SLC38A6: variants seen among roughly 807,000 people sequenced by gnomAD.
SLC38A6 encodes solute carrier family 38 member 6, also known as N system amino acid transporter NAT-1.
In SLC38A6, 73 loss-of-function variants were observed where a neutral mutation model predicts 65.0. The observed-to-expected ratio is 1.12, with a 90% CI of 0.93 to 1.37. The LOEUF (loss-of-function observed/expected upper bound fraction) is 1.37. Among genes scored for constraint, SLC38A6 ranks in the 40% most tolerant of loss-of-function variants. The pLI, the probability that SLC38A6 is intolerant of heterozygous loss-of-function variation, is 0.00. For synonymous variants in SLC38A6, 183 were observed against 178.8 expected (o/e 1.02, Z -0.19); for missense variants, 561 against 531.1 (o/e 1.06, Z -0.55).
chr14:61,052,653 T>C (rs1271134333), downstream of SLC38A6: 1 of 405,616 alleles, frequency 2.5e-6, no homozygotes, highest in East Asian at 6.1e-5. Flanking sequence ...ATCTTTTGTT[T>C]TTTAAATTAA....
chr14:60,995,736 T>C (rs1463250812), intron 3 of SLC38A6, among the ~76,000 whole-genome samples: 1 of 152,190 alleles, frequency 6.6e-6, no homozygotes, highest in Admixed American at 6.5e-5. Context: ...CAAAACATCA[T>C]GTTGTACACC....
At chr14:61,081,826 G>A (rs2043663528) in intron 16 of SLC38A6, among the ~76,000 whole-genome samples, 1 of 152,268 alleles carries the variant, frequency 6.6e-6, no homozygotes, top group Middle Eastern at 3.4e-3. Flanking sequence ...GTTCAGAGAG[G>A]TTAAATAATG....
chr14:61,057,128 C>T (rs1403732800), downstream of SLC38A6, among the ~76,000 whole-genome samples: 1 of 55,134 alleles, frequency 1.8e-5, no homozygotes, highest in African/African-American at 7.5e-5. Flanking sequence ...TCCTGCCTGA[C>T]TGCCCTGGCC....
chr14:60,999,855 G>A (rs541677491), intron 3 of SLC38A6, among the ~76,000 whole-genome samples: 1 of 152,272 alleles, frequency 6.6e-6, no homozygotes, highest in East Asian at 1.9e-4. Flanking sequence ...GTGGCCCTGT[G>A]GACACCTTGA....
intron 3 of SLC38A6, chr14:61,001,909 T>C (rs2139382267): frequency 6.6e-6 from 1 of 152,334 alleles, no homozygotes; most frequent in Non-Finnish European, 1.5e-5. Context: ...TACTAGCGCT[T>C]CTGTTCTTTC....
intron 3 of SLC38A6, among the ~76,000 whole-genome samples, chr14:60,990,335 C>T (rs1399912722): frequency 1.3e-5 from 2 of 152,094 alleles, no homozygotes; most frequent in East Asian, 3.9e-4. Flanking sequence ...TTCTTTTACA[C>T]TCATTATCGG....
At chr14:61,038,034 T>C (rs932797491) in intron 8 of SLC38A6, among the ~76,000 whole-genome samples, 2 of 152,132 alleles carry the variant, frequency 1.3e-5, no homozygotes, top group African/African-American at 4.8e-5. Context: ...TAAAATCTGT[T>C]TGAGACTAGT....
chr14:60,982,061 C>A, intron 1 of SLC38A6: 1 of 427,764 alleles, frequency 2.3e-6, no homozygotes, highest in East Asian at 7.1e-5. Flanking sequence ...TTTGGTAGAA[C>A]TAATTCATTA....
intron 6 of SLC38A6, among the ~76,000 whole-genome samples, chr14:61,032,754 A>G (rs1356747625): frequency 6.6e-6 from 1 of 151,890 alleles, no homozygotes; most frequent in Non-Finnish European, 1.5e-5. Flanking sequence ...AAATATGATA[A>G]TTGACTTTAC....
chr14:61,037,099 T>C lies in SLC38A6; in HGVS notation c.523T>C (p.Cys175Arg). The change falls in exon 7 of 16, where the codon TGT becomes CGT. Residue 175 changes from cysteine to arginine, a missense_variant. Physicochemically the swap from Cys to Arg is radical, Grantham distance 180. Coordinates refer to ENST00000267488, the MANE Select transcript of SLC38A6 (RefSeq NM_153811.3). ...LDGQTLLIIICVGIVFPLALL... is the reference protein window; with the variant it reads ...LDGQTLLIIIRVGIVFPLALL... ...TGGACAAACACTACTAATAATCATA[T>C]GTGTTGGCATTGTGTTCCCTCTTGC... is the stretch of plus-strand genomic sequence containing the variant. 1 of 1,610,600 alleles carries C rather than the reference T, an allele frequency of 6.2e-7. No homozygotes were observed. Among genetic ancestry groups the C allele is most frequent in the Non-Finnish European group, 8.5e-7 (1 of 1,178,150 alleles).
intron 6 of SLC38A6, 107 bp downstream of exon 6, chr14:61,030,630 C>A: frequency 1.4e-6 from 1 of 727,546 alleles, no homozygotes; most frequent in Non-Finnish European, 2.3e-6. Context: ...AAATGTAGTC[C>A]TTGCCCTCAA....
Position 61,023,588 on chromosome 14 carries a change from A to AATAAT in SLC38A6, c.403+4011_403+4012insATATA, listed in dbSNP as rs1555352626. 4.4e-3 allele frequency among the ~76,000 whole-genome samples: 103 copies of AATAAT among 23,368 alleles called. 1 individual carries two copies. The East Asian group carries it at 0.1, about 24-fold the overall frequency. 15.3% of individuals were successfully genotyped at this position (23,368 alleles called of 152,430 possible). A position where few individuals can be genotyped will look rare whatever the true frequency, so the allele number is the denominator to read the frequency against. Reference sequence around the variant, plus strand: ...AAATAATAATAATAATAATAATAATAATATATATATATACACACACACACA... The same window carrying AATAAT: ...AAATAATAATAATAATAATAATAATAATAATATATATATATATACACACACACACA... On this transcript the variant is annotated intron_variant, in intron 5 of 15. Transcript: ENST00000267488.
At chr14:61,017,594 A>T (rs948040834) in intron 4 of SLC38A6, among the ~76,000 whole-genome samples, 1 of 152,240 alleles carries the variant, frequency 6.6e-6, no homozygotes, top group South Asian at 2.1e-4. Flanking sequence ...TCCACAATTA[A>T]TATAACATAA....
intron 3 of SLC38A6, among the ~76,000 whole-genome samples, chr14:60,999,826 T>C (rs1393182654): frequency 6.6e-6 from 1 of 152,208 alleles, no homozygotes; most frequent in Non-Finnish European, 1.5e-5. Context: ...AATGGATTCT[T>C]TCTAGAGCTT....
At chr14:61,005,165 A>G (rs2039000252) in intron 3 of SLC38A6, among the ~76,000 whole-genome samples, 1 of 152,226 alleles carries the variant, frequency 6.6e-6, no homozygotes, top group Non-Finnish European at 1.5e-5. Context: ...TAAATTAGGT[A>G]TTGATGGGAC....
intron 12 of SLC38A6, among the ~76,000 whole-genome samples, chr14:61,047,458 GTAAT>G (rs1281117580): frequency 1.3e-5 from 2 of 152,162 alleles, no homozygotes; most frequent in Non-Finnish European, 1.5e-5. Flanking sequence ...TTTAGGTTGA[GTAAT>G]TAGACCAGAT....
intron 8 of SLC38A6, 29 bp from the exon 9 acceptor site, chr14:61,043,118 C>G (rs1425588501): frequency 3.0e-6 from 4 of 1,345,300 alleles, no homozygotes; most frequent in Admixed American, 2.2e-5. Context: ...AAGAAATGAT[C>G]TGAGTGCTGA....
intron 16 of SLC38A6, among the ~76,000 whole-genome samples, chr14:61,082,653 C>G (rs2043702478): frequency 6.6e-6 from 1 of 152,172 alleles, no homozygotes; most frequent in Admixed American, 6.5e-5. Flanking sequence ...TTCCACGTTG[C>G]TCAGATGAAC....
intron 7 of SLC38A6, 71 bp downstream of exon 7, chr14:61,037,212 A>AT: frequency 1.7e-6 from 2 of 1,148,418 alleles, no homozygotes; most frequent in Non-Finnish European, 2.5e-6. Flanking sequence ...AGAGACAAAT[A>AT]TTAAGGGGCT....
Sources: allele counts gnomAD v4.1 joint callset (sites outside exome capture counted in the v4.1 genomes callset), GRCh38; gene constraint gnomAD v4.1.1; transcripts MANE v1.5; gene names NCBI Gene and HGNC (gene_info 2026-07-23, HGNC 2026-07-21).